The following ADGRL3 variants were observed in gnomAD, a reference collection of about 807,000 sequenced individuals.
ADGRL3 encodes the protein calcium-independent alpha-latrotoxin receptor 3.
Under a neutral mutation model 153.5 loss-of-function variants are expected in ADGRL3, and 62 were observed. The observed-to-expected ratio is 0.40, with a 90% CI of 0.33 to 0.50. ADGRL3 has a LOEUF of 0.50. Ranked by LOEUF, ADGRL3 falls within the 20% of genes least tolerant of loss-of-function variation. The probability of loss-of-function intolerance (pLI) is 0.47; values close to 1 mark genes in which losing one functional copy is unlikely to be tolerated. For missense variants in ADGRL3, 1,641 were observed against 1,859.4 expected, an observed-to-expected ratio of 0.88 and a Z score of 2.16; for synonymous variants, 710 against 672.5, an observed-to-expected ratio of 1.06 and a Z score of -0.86.
intron 9 of ADGRL3, among the ~76,000 whole-genome samples, chr4:61,827,689 TA>T (rs1413947527): frequency 2.0e-5 from 3 of 152,192 alleles, no homozygotes; most frequent in Non-Finnish European, 2.9e-5. Flanking sequence ...AGTTAAAGCA[TA>T]AATAGACCTC....
Position 62,024,893 on chromosome 4 carries a change from G to T in ADGRL3, c.3396-3962G>T, listed in dbSNP as rs533754712. 4.4e-4 allele frequency among the ~76,000 whole-genome samples: 60 copies of T among 136,568 alleles called. 1 individual carries two copies. The East Asian group carries it at 0.012, about 28-fold the overall frequency. The allele number at this position is 136,568 out of a possible 152,430, so 89.6% of individuals were successfully genotyped here. On this transcript the variant is annotated intron_variant, in intron 21 of 26. Coordinates refer to ENST00000683033, the MANE Select transcript of ADGRL3 (RefSeq NM_001387552.1). ...TGCAGTGAGCCGAGATTGTGCCATT[G>T]CACTTTAACCCAGGCGACAGTGTGA...
intron 5 of ADGRL3, among the ~76,000 whole-genome samples, chr4:61,590,929 G>T (rs1436390582): frequency 6.6e-6 from 1 of 152,088 alleles, no homozygotes; most frequent in Non-Finnish European, 1.5e-5. Flanking sequence ...TTGCTGTTCT[G>T]CTGTGGACGT....
intron 25 of ADGRL3, among the ~76,000 whole-genome samples, chr4:62,050,262 G>C (rs570920746): frequency 3.9e-5 from 6 of 152,150 alleles, no homozygotes; most frequent in African/African-American, 1.4e-4. Flanking sequence ...TTATAACCAT[G>C]TTTTAGCATC....
chr4:62,006,856 C>A (rs1226427939), intron 21 of ADGRL3, among the ~76,000 whole-genome samples: 3 of 152,056 alleles, frequency 2.0e-5, no homozygotes, highest in Non-Finnish European at 2.9e-5. Context: ...AAGTATGTTT[C>A]TGTTAGAATG....
At chr4:61,888,220 G>A (rs566779410) in intron 9 of ADGRL3, among the ~76,000 whole-genome samples, 124 of 152,292 alleles carry the variant, frequency 8.1e-4, no homozygotes, top group Non-Finnish European at 1.5e-3. Flanking sequence ...TTAATAAAAT[G>A]TCATATGTAA....
At chr4:61,427,148 T>C (rs1158733016) in intron 2 of ADGRL3, 1 of 152,220 alleles carries the variant, frequency 6.6e-6, no homozygotes, top group Non-Finnish European at 1.5e-5. Flanking sequence ...ACAAGTTCCC[T>C]CATGTGGGAG....
Position 61,247,914 on chromosome 4 carries a change from G to A in ADGRL3, c.-240+46149G>A, listed in dbSNP as rs750338776. Among the ~76,000 whole-genome samples, 6 of 152,084 alleles carry A rather than the reference G, an allele frequency of 3.9e-5. 1 individual carries two copies. Among genetic ancestry groups the A allele is most frequent in the Non-Finnish European group, 5.9e-5 (4 of 67,932 alleles). On this transcript the variant is annotated intron_variant, in intron 1 of 26. Coordinates refer to ENST00000683033, the MANE Select transcript of ADGRL3 (RefSeq NM_001387552.1). ...TATCCTGTGATATGTTTCCTTGCTCGTAGAGTTAATAGCAAAGAAATGAAC... is the reference window on the plus strand; with the variant it reads ...TATCCTGTGATATGTTTCCTTGCTCATAGAGTTAATAGCAAAGAAATGAAC...
At chr4:61,884,591 T>G (rs2098526482) in intron 9 of ADGRL3, among the ~76,000 whole-genome samples, 1 of 152,102 alleles carries the variant, frequency 6.6e-6, no homozygotes. Flanking sequence ...TACTCTCAAC[T>G]GCAGTGAGCA....
intron 2 of ADGRL3, among the ~76,000 whole-genome samples, chr4:61,424,237 AT>A (rs1222443861): frequency 6.6e-6 from 1 of 152,132 alleles, no homozygotes; most frequent in East Asian, 1.9e-4. Context: ...CTGTGATTAT[AT>A]AATGCATGGG....
intron 13 of ADGRL3, among the ~76,000 whole-genome samples, chr4:61,919,230 A>G (rs1183471160): frequency 6.6e-6 from 1 of 152,184 alleles, no homozygotes; most frequent in Admixed American, 6.5e-5. Flanking sequence ...CTTTCAAGAG[A>G]TTTCGATGTT....
At chr4:61,383,693 G>T (rs1304376500) in intron 2 of ADGRL3, among the ~76,000 whole-genome samples, 1 of 151,464 alleles carries the variant, frequency 6.6e-6, no homozygotes, top group African/African-American at 2.4e-5. Context: ...TATTCTTTTG[G>T]TAGCAACACG....
At chr4:61,313,512 G>C (rs1578227050) in intron 1 of ADGRL3, among the ~76,000 whole-genome samples, 1 of 152,144 alleles carries the variant, frequency 6.6e-6, no homozygotes, top group Non-Finnish European at 1.5e-5. Flanking sequence ...GTATTATATG[G>C]GAACTCTGGA....
At chr4:61,498,301 A>AT (rs1281815546) in intron 3 of ADGRL3, among the ~76,000 whole-genome samples, 8 of 152,198 alleles carry the variant, frequency 5.3e-5, no homozygotes, top group African/African-American at 1.9e-4. Flanking sequence ...CTGTAACCCC[A>AT]GCACTTTAGG....
At chr4:61,357,791 C>T (rs1174824133) in intron 1 of ADGRL3, among the ~76,000 whole-genome samples, 5 of 151,866 alleles carry the variant, frequency 3.3e-5, no homozygotes, top group Admixed American at 6.6e-5. Context: ...AACTGAGTAT[C>T]TGAGAAGATA....
chr4:61,444,410 C>T (rs750894938), intron 2 of ADGRL3, among the ~76,000 whole-genome samples: 24 of 152,158 alleles, frequency 1.6e-4, no homozygotes, highest in Non-Finnish European at 2.8e-4. Flanking sequence ...TATCCCCAGC[C>T]AGCCCCTGAC....
chr4:61,280,317 C>G (rs2093671012), intron 1 of ADGRL3, among the ~76,000 whole-genome samples: 1 of 151,768 alleles, frequency 6.6e-6, no homozygotes, highest in African/African-American at 2.4e-5. Flanking sequence ...CCATATTGGC[C>G]AGGATGGTCT....
intron 2 of ADGRL3, among the ~76,000 whole-genome samples, chr4:61,452,993 A>G (rs2097692968): frequency 6.6e-6 from 1 of 151,976 alleles, no homozygotes; most frequent in Non-Finnish European, 1.5e-5. Flanking sequence ...TAATATTATT[A>G]GAAATCATAT....
rs149686358 is a variant in ADGRL3, at chr4:61,872,360, A to G, written c.1481-20296A>G. Among the ~76,000 whole-genome samples the G allele has an allele frequency of 6.8e-4, 104 of 152,164 alleles. No individual in the cohort carries two copies. The Middle Eastern group carries it at 0.01, about 15-fold the overall frequency. ...CATGTTGCATTAGTGGCAGCAGAGA[A>G]TAATGCCTGCCAACATACCATTTCT... is the stretch of plus-strand genomic sequence containing the variant. On this transcript the variant is annotated intron_variant, in intron 9 of 26. Transcript: ENST00000683033.
At chr4:61,642,604 G>A (rs1045140645) in intron 5 of ADGRL3, among the ~76,000 whole-genome samples, 1 of 152,086 alleles carries the variant, frequency 6.6e-6, no homozygotes. Flanking sequence ...TTGTAGATAT[G>A]CGGCGTTATT....
Sources: gnomAD v4.1 joint callset for allele counts (sites outside exome capture counted in the v4.1 genomes callset) on GRCh38, gnomAD v4.1.1 for gene constraint, MANE v1.5 for transcripts, NCBI Gene and HGNC (gene_info 2026-07-23, HGNC 2026-07-21) for gene names.